The following FBLN7 variants were observed in gnomAD, a reference collection of about 807,000 sequenced individuals.
FBLN7 encodes fibulin-7.
A neutral mutation model predicts 44.0 loss-of-function variants in FBLN7; 31 were observed. The observed-to-expected ratio is 0.70, with a 90% CI of 0.53 to 0.95. The LOEUF is 0.95. Ranked by LOEUF, FBLN7 falls within the 40% of genes least tolerant of loss-of-function variation. The pLI, the probability that FBLN7 is intolerant of heterozygous loss-of-function variation, is 0.00. For synonymous variants in FBLN7, 262 were observed against 253.4 expected (o/e 1.03, Z -0.32); for missense variants, 573 against 618.5 (o/e 0.93, Z 0.78).
At chr2:112,214,693 A>G in the FBLN7 span, 2 of 152,154 alleles carry the variant, frequency 1.3e-5, no homozygotes. Flanking sequence ...GTATACTCGG[A>G]AATCTGCTCT....
At chr2:112,185,746 A>G (rs1261018178) in intron 7 of FBLN7, among the ~76,000 whole-genome samples, 1 of 152,138 alleles carries the variant, frequency 6.6e-6, no homozygotes, top group East Asian at 1.9e-4. Flanking sequence ...ATAGCCAGGA[A>G]CTATAGACTC....
intron 1 of FBLN7, chr2:112,151,793 A>G (rs1681174199): frequency 6.6e-6 from 1 of 152,180 alleles, no homozygotes; most frequent in African/African-American, 2.4e-5. Flanking sequence ...GCTGGATGCC[A>G]TGTGTGTGGA....
the FBLN7 span, chr2:112,233,329 T>G: frequency 1.3e-6 from 2 of 1,598,468 alleles, no homozygotes; most frequent in Non-Finnish European, 1.7e-6. Flanking sequence ...ATTTCCTTTT[T>G]CTTTTCTATC....
chr2:112,233,211 T>C, the FBLN7 span: 2 of 1,308,598 alleles, frequency 1.5e-6, no homozygotes, highest in Non-Finnish European at 2.1e-6. Flanking sequence ...ACATTTAAAA[T>C]GTTCATGTAA....
the FBLN7 span, chr2:112,211,889 A>G: frequency 2.0e-5 from 3 of 152,180 alleles, no homozygotes; most frequent in Admixed American, 2.0e-4. Context: ...CCCTATCCAA[A>G]CATATACATT....
At chr2:112,169,596 C>A (rs1682344902) in intron 3 of FBLN7, among the ~76,000 whole-genome samples, 1 of 152,138 alleles carries the variant, frequency 6.6e-6, no homozygotes, top group Non-Finnish European at 1.5e-5. Context: ...TTATTTTTAA[C>A]CTTCATTCTT....
the FBLN7 span, among the ~76,000 whole-genome samples, chr2:112,200,887 C>T: frequency 6.6e-6 from 1 of 152,134 alleles, no homozygotes; most frequent in African/African-American, 2.4e-5. Context: ...TAAAGGTCAC[C>T]ATTTTTCATA....
intron 2 of FBLN7, among the ~76,000 whole-genome samples, chr2:112,160,674 A>ACACGCACGCACACACAAGCACG (rs1553474894): frequency 1.5e-5 from 2 of 135,344 alleles, no homozygotes; most frequent in East Asian, 4.5e-4. Context: ...GCACACGCAC[A>ACACGCACGCACACACAAGCACG]CGCAGACGCA....
At chr2:112,180,999 G>A (rs954574882) in intron 4 of FBLN7, among the ~76,000 whole-genome samples, 10 of 150,490 alleles carry the variant, frequency 6.6e-5, no homozygotes, top group African/African-American at 2.0e-4. Context: ...GGAATATTAC[G>A]CAGCCACAAA....
chr2:112,232,006 T>C, the FBLN7 span: 4 of 1,040,172 alleles, frequency 3.8e-6, no homozygotes, highest in Middle Eastern at 5.2e-4. Flanking sequence ...TGTTATTAAC[T>C]TAATGACTTT....
chr2:112,237,782 G>A, the FBLN7 span, among the ~76,000 whole-genome samples: 2,495 of 152,126 alleles, frequency 0.016, 70 homozygotes, highest in African/African-American at 0.056. Context: ...GGCCAGGCTG[G>A]TCTCGAACTC....
Position 112,182,913 on chromosome 2 carries a change from G to C in FBLN7, c.793G>C (p.Gly265Arg). 6.2e-7 allele frequency: 1 copy of C among 1,612,598 alleles called. No individual in the cohort carries two copies. The highest frequency in any genetic ancestry group is 1.1e-5 in the South Asian group (1 of 90,812). The change falls in exon 6 of 8, where the codon GGG becomes CGG. Residue 265 changes from glycine (G) to arginine (R), a missense_variant. Transcript: ENST00000331203. ...CPGGYRTLAD[G>R]KSCEDVDECV... ...CGGTGGATACCGAACTCTGGCTGAC[G>C]GGAAGAGCTGTGAGGGTGAGTGAGG...
At chr2:112,235,161 G>C in the FBLN7 span, among the ~76,000 whole-genome samples, 1 of 152,130 alleles carries the variant, frequency 6.6e-6, no homozygotes, top group Non-Finnish European at 1.5e-5. Flanking sequence ...CCAAATTTTT[G>C]CATACAGTTT....
At chr2:112,180,716 C>G (rs1243688874) in intron 4 of FBLN7, among the ~76,000 whole-genome samples, 1 of 151,988 alleles carries the variant, frequency 6.6e-6, no homozygotes, top group Non-Finnish European at 1.5e-5. Flanking sequence ...GTCAGGAGAT[C>G]AAGACCATCC....
chr2:112,237,579 ATT>A, the FBLN7 span, among the ~76,000 whole-genome samples: 100 of 145,640 alleles, frequency 6.9e-4, no homozygotes, highest in Non-Finnish European at 9.1e-4. Context: ...TAAAATTTTA[ATT>A]TTTTTTTTTT....
chr2:112,193,002 CA>C (rs1202193179), downstream of FBLN7, among the ~76,000 whole-genome samples: 5 of 152,160 alleles, frequency 3.3e-5, no homozygotes, highest in African/African-American at 1.2e-4. Context: ...ACTACAAAAA[CA>C]AAAGCAGTGA....
intron 4 of FBLN7, among the ~76,000 whole-genome samples, chr2:112,180,953 A>T (rs1218617741): frequency 6.6e-6 from 1 of 151,620 alleles, no homozygotes; most frequent in Non-Finnish European, 1.5e-5. Flanking sequence ...AAACGAAAGA[A>T]AAAAAAGAAA....
At chr2:112,143,304 C>T (rs1055825103) in intron 1 of FBLN7, among the ~76,000 whole-genome samples, 2 of 152,182 alleles carry the variant, frequency 1.3e-5, no homozygotes, top group African/African-American at 4.8e-5. Context: ...TAACCATCAT[C>T]TCGCACTTCA....
chr2:112,204,137 C>A, the FBLN7 span, among the ~76,000 whole-genome samples: 1 of 151,146 alleles, frequency 6.6e-6, no homozygotes, highest in African/African-American at 2.4e-5. Flanking sequence ...TTTAAAAAAA[C>A]AAATAGAAAT....
Sources: gnomAD v4.1 joint callset for allele counts (sites outside exome capture counted in the v4.1 genomes callset) on GRCh38, gnomAD v4.1.1 for gene constraint, MANE v1.5 for transcripts, NCBI Gene and HGNC (gene_info 2026-07-23, HGNC 2026-07-21) for gene names.